BCAP29: variants seen among roughly 807,000 people sequenced by gnomAD.
The protein encoded by BCAP29 is B-cell receptor-associated protein 29.
BCAP29 carries 34 observed loss-of-function variants against 31.8 expected under a neutral mutation model. The ratio of observed to expected loss-of-function variants is 1.07; its 90% CI spans 0.81 to 1.42. The LOEUF is 1.42. BCAP29 is among the 40% of genes most tolerant of loss of function. The pLI, the probability that BCAP29 is intolerant of heterozygous loss-of-function variation, is 0.00. For missense variants in BCAP29, 314 were observed against 269.2 expected (o/e 1.17, Z -1.16); for synonymous variants, 104 against 91.3 (o/e 1.14, Z -0.79).
intron 6 of BCAP29, among the ~76,000 whole-genome samples, chr7:107,600,827 C>T (rs942361273): frequency 2.6e-5 from 4 of 152,192 alleles, no homozygotes; most frequent in Non-Finnish European, 5.9e-5. Context: ...TTTCCATCAT[C>T]GTATATTCCT....
intron 6 of BCAP29, among the ~76,000 whole-genome samples, chr7:107,605,164 A>G (rs1469069533): frequency 3.9e-5 from 6 of 152,168 alleles, no homozygotes; most frequent in African/African-American, 1.2e-4. Flanking sequence ...CAAGGCCTAT[A>G]CTCATAAACT....
intron 3 of BCAP29, among the ~76,000 whole-genome samples, chr7:107,590,652 T>C (rs139579676): frequency 1.7e-3 from 261 of 152,068 alleles, no homozygotes; most frequent in African/African-American, 6.0e-3. Context: ...ACCCCGTCTC[T>C]ACCAGAAAGT....
chr7:107,589,780 G>A (rs7778075), intron 3 of BCAP29, among the ~76,000 whole-genome samples: 3,539 of 152,280 alleles, frequency 0.023, 138 homozygotes, highest in African/African-American at 0.08. Flanking sequence ...AAGGATTGAA[G>A]TCCTACCAAG....
rs1351146292 is a variant in BCAP29 at position 107,619,647 on chromosome 7, GAGTT to G, written c.*1287_*1290del. 6.6e-6 allele frequency: 1 copy of G among 152,120 alleles called. No individual in the cohort carries two copies. The highest frequency in any genetic ancestry group is 1.5e-5 in the Non-Finnish European group (1 of 68,006). The allele number at this position is 152,120 out of a possible 1,614,324, so 9.4% of individuals were successfully genotyped here. ...GACATTCAACAGGAGTATGAAATGA[GAGTT>G]AGACCATATGGGCTGACAACACCAT... On this transcript the variant is annotated 3_prime_UTR_variant, in exon 8 of 8. Transcript: ENST00000005259.
chr7:107,598,392 CCCTT>C (rs904556383), intron 5 of BCAP29, among the ~76,000 whole-genome samples: 1 of 152,094 alleles, frequency 6.6e-6, no homozygotes, highest in Non-Finnish European at 1.5e-5. Context: ...TTTCAATCCT[CCCTT>C]CTCCAAAAAA....
intron 7 of BCAP29, chr7:107,615,262 C>T (rs1352469332): frequency 6.6e-6 from 3 of 456,602 alleles, no homozygotes; most frequent in Admixed American, 4.7e-5. Flanking sequence ...CACAGTCAGC[C>T]TGGAGCTGCT....
At chr7:107,622,241 AATC>A, downstream of BCAP29, 1 of 174,838 alleles carries the variant, frequency 5.7e-6, no homozygotes, top group Non-Finnish European at 1.2e-5. Context: ...AAAAAACACT[AATC>A]ATGTCATTCC....
chr7:107,618,710 C>A lies in BCAP29; in HGVS notation c.*347C>A. ...TTAAGTTGCATGAAACCATTAATAG[C>A]CTTGAAAGCTTTGATAAGTTTTCAG... On this transcript the variant is annotated 3_prime_UTR_variant, in exon 8 of 8. Coordinates refer to ENST00000005259, the MANE Select transcript of BCAP29 (RefSeq NM_018844.4). 2 of 844,876 alleles carry A rather than the reference C, an allele frequency of 2.4e-6. No homozygotes were observed. The highest frequency in any genetic ancestry group is 2.1e-5 in the South Asian group (1 of 47,168). 52.3% of individuals were successfully genotyped at this position (844,876 alleles called of 1,614,324 possible).
chr7:107,583,316 A>AGT (rs58853857), intron 2 of BCAP29, among the ~76,000 whole-genome samples: 2 of 151,886 alleles, frequency 1.3e-5, no homozygotes, highest in Non-Finnish European at 2.9e-5. Context: ...ATATATATAT[A>AGT]GTGTGTGTGT....
At chr7:107,622,151 C>T (rs1014930498), downstream of BCAP29, 6 of 340,150 alleles carry the variant, frequency 1.8e-5, no homozygotes, top group East Asian at 2.7e-4. Context: ...CTATGACGAC[C>T]TCCTCATCTC....
chr7:107,590,841 G>A (rs1015119679), intron 3 of BCAP29, among the ~76,000 whole-genome samples: 9 of 149,658 alleles, frequency 6.0e-5, no homozygotes, highest in African/African-American at 9.8e-5. Flanking sequence ...AAAAAAGAAA[G>A]AAAGAAAGAA....
intron 6 of BCAP29, among the ~76,000 whole-genome samples, chr7:107,611,614 T>C (rs962322565): frequency 6.6e-6 from 1 of 152,232 alleles, no homozygotes; most frequent in Non-Finnish European, 1.5e-5. Flanking sequence ...AAATGCCTTG[T>C]AGAACCCAAA....
At chr7:107,581,002 C>G in intron 2 of BCAP29, 138 bp downstream of exon 2, 1 of 523,594 alleles carries the variant, frequency 1.9e-6, no homozygotes, top group Non-Finnish European at 3.2e-6. Flanking sequence ...TATATAATGA[C>G]AATATTAAAA....
rs1563141360 is a variant in BCAP29 at position 107,612,418 on chromosome 7, TATATATATATATATATATA to T, written c.590-913_590-895del. Among the ~76,000 whole-genome samples, 26 of 43,274 alleles carry T rather than the reference TATATATATATATATATATA, an allele frequency of 6.0e-4. 1 individual carries two copies. The highest frequency in any genetic ancestry group is 1.9e-3 in the South Asian group (1 of 540). The allele number at this position is 43,274 out of a possible 152,430, so 28.4% of individuals were successfully genotyped here. A position where few individuals can be genotyped will look rare whatever the true frequency, so the allele number is the denominator to read the frequency against. On this transcript the variant is annotated intron_variant, in intron 6 of 7. Coordinates refer to ENST00000005259, the MANE Select transcript of BCAP29 (RefSeq NM_018844.4). ...ATATATATATATATATATATATATA[TATATATATATATATATATA>T]TATTTATTTTACTTCTATCTAAGGC...
rs115864140 is a variant in BCAP29, at chr7:107,618,738, A to G, written c.*375A>G. On this transcript the variant is annotated 3_prime_UTR_variant, in exon 8 of 8. Transcript: ENST00000005259. ...TGAAAGCTTTGATAAGTTTTCAGTAATAATAACCTATTTAATCAGATGATG... is the reference window on the plus strand; with the variant it reads ...TGAAAGCTTTGATAAGTTTTCAGTAGTAATAACCTATTTAATCAGATGATG... 1.4e-3 allele frequency: 935 copies of G among 648,716 alleles called. 9 individuals carry two copies. In the African/African-American group the frequency reaches 0.015, roughly 11 times the overall value. The allele number at this position is 648,716 out of a possible 1,614,324, so 40.2% of individuals were successfully genotyped here.
At chr7:107,596,782 T>G (rs1333518297) in intron 5 of BCAP29, among the ~76,000 whole-genome samples, 1 of 152,242 alleles carries the variant, frequency 6.6e-6, no homozygotes, top group Non-Finnish European at 1.5e-5. Flanking sequence ...TTAATACACT[T>G]AAATTAGTCT....
chr7:107,618,481 C>T lies in BCAP29; in HGVS notation c.*118C>T, dbSNP rs1415453299. 6.2e-7 allele frequency: 1 copy of T among 1,612,284 alleles called. No homozygotes were observed. The highest frequency in any genetic ancestry group is 8.5e-7 in the Non-Finnish European group (1 of 1,179,006). On this transcript the variant is annotated 3_prime_UTR_variant, in exon 8 of 8. Transcript: ENST00000005259. ...GACCGGTTCGTAATTTTTTTAATGCCACACATAGGTTGTATTGTAATGGCA... is the reference window on the plus strand; with the variant it reads ...GACCGGTTCGTAATTTTTTTAATGCTACACATAGGTTGTATTGTAATGGCA...
At chr7:107,580,461 G>A in intron 1 of BCAP29, 160 bp downstream of exon 1, 1 of 294,048 alleles carries the variant, frequency 3.4e-6, no homozygotes, top group South Asian at 4.3e-5. Context: ...CTGGGAGCGG[G>A]AGGGCCGGGA....
At chr7:107,591,617 G>C (rs1253376330) in intron 3 of BCAP29, among the ~76,000 whole-genome samples, 4 of 26,650 alleles carry the variant, frequency 1.5e-4, no homozygotes. Context: ...TCTGCCCCCT[G>C]TACCACTTTT....
Sources: gnomAD v4.1 joint callset for allele counts (sites outside exome capture counted in the v4.1 genomes callset) on GRCh38, gnomAD v4.1.1 for gene constraint, MANE v1.5 for transcripts, NCBI Gene and HGNC (gene_info 2026-07-23, HGNC 2026-07-21) for gene names.